The following SNX4 variants were observed in gnomAD, a reference collection of about 807,000 sequenced individuals.
SNX4 encodes the protein sorting nexin-4.
A neutral mutation model predicts 70.8 loss-of-function variants in SNX4; 49 were observed. The ratio of observed to expected loss-of-function variants is 0.69; its 90% CI spans 0.55 to 0.88. SNX4 has a LOEUF of 0.88. SNX4 is among the 40% of genes least tolerant of loss of function. SNX4 has a pLI of 0.00. For synonymous variants in SNX4, 206 were observed against 183.8 expected (o/e 1.12, Z -0.98); for missense variants, 528 against 544.8 (o/e 0.97, Z 0.31).
At chr3:125,452,706 C>T (rs1933606155) in intron 12 of SNX4, among the ~76,000 whole-genome samples, 3 of 152,206 alleles carry the variant, frequency 2.0e-5, no homozygotes, top group Admixed American at 2.0e-4. Context: ...CAAGCTCCAC[C>T]TCCCAGGTTC....
intron 1 of SNX4, among the ~76,000 whole-genome samples, chr3:125,513,145 G>C (rs1275320249): frequency 6.6e-6 from 1 of 152,136 alleles, no homozygotes; most frequent in African/African-American, 2.4e-5. Context: ...GGAAAGATTA[G>C]GACATGAGGG....
At chr3:125,480,403 C>T (rs1166728078) in intron 6 of SNX4, 84 bp from the exon 7 acceptor site, 11 of 721,532 alleles carry the variant, frequency 1.5e-5, no homozygotes, top group Non-Finnish European at 2.3e-5. Context: ...TAGTTCCCGA[C>T]AATAACAAAA....
At chr3:125,509,535 T>C (rs552066250) in intron 1 of SNX4, among the ~76,000 whole-genome samples, 1 of 152,126 alleles carries the variant, frequency 6.6e-6, no homozygotes, top group South Asian at 2.1e-4. Context: ...GTGGATCACC[T>C]GAGGTCAGGA....
intron 11 of SNX4, among the ~76,000 whole-genome samples, chr3:125,455,796 G>A (rs556046480): frequency 3.3e-5 from 5 of 152,154 alleles, no homozygotes; most frequent in South Asian, 4.2e-4. Flanking sequence ...GGCGGATCAC[G>A]AGGTCAGGAG....
intron 9 of SNX4, among the ~76,000 whole-genome samples, chr3:125,464,868 C>T (rs1213808846): frequency 6.6e-6 from 1 of 152,042 alleles, no homozygotes; most frequent in East Asian, 1.9e-4. Context: ...CCTCAGCTTC[C>T]TGAGTAGCTG....
chr3:125,455,291 C>T (rs1477521240), intron 11 of SNX4, among the ~76,000 whole-genome samples: 1 of 152,116 alleles, frequency 6.6e-6, no homozygotes, highest in South Asian at 2.1e-4. Flanking sequence ...TTATTTCTTA[C>T]TCTGTATGAA....
Position 125,520,151 on chromosome 3 carries a change from G to C in SNX4, c.22C>G (p.Pro8Ala). 7.7e-6 allele frequency: 11 copies of C among 1,432,648 alleles called. No individual in the cohort carries two copies. The highest frequency in any genetic ancestry group is 1.0e-5 in the Non-Finnish European group (11 of 1,099,760). The allele number at this position is 1,432,648 out of a possible 1,614,324, so 88.7% of individuals were successfully genotyped here. ...GGCGCCGGCTGGAGCTGCCGCTCGG[G>C]GTCCGGAGGTGCCTGCTCCATGGCT... MEQAPPDPERQLQPAPLE... is the reference protein window; with the variant it reads MEQAPPDAERQLQPAPLE... The change falls in exon 1 of 14, where the codon CCC (proline) becomes GCC (alanine). Residue 8 changes from proline to alanine, a missense_variant. Coordinates refer to ENST00000251775, the MANE Select transcript of SNX4 (RefSeq NM_003794.4).
chr3:125,474,866 T>C (rs536440754), intron 8 of SNX4, among the ~76,000 whole-genome samples: 1 of 152,346 alleles, frequency 6.6e-6, no homozygotes, highest in South Asian at 2.1e-4. Context: ...TCCTATGGGA[T>C]ATAATTTTTG....
intron 9 of SNX4, among the ~76,000 whole-genome samples, chr3:125,463,761 T>A (rs958581638): frequency 4.6e-5 from 7 of 152,224 alleles, no homozygotes; most frequent in African/African-American, 1.7e-4. Flanking sequence ...AATTAACATA[T>A]CCATCACCTG....
In SNX4 at chr3:125,520,165, T is replaced by C. The variant is rs1233951925; in HGVS notation, c.8A>G (p.Gln3Arg). 2.2e-6 allele frequency: 3 copies of C among 1,372,922 alleles called. No homozygotes were observed. The highest frequency in any genetic ancestry group is 3.1e-5 in the African/African-American group (2 of 64,206). The allele number at this position is 1,372,922 out of a possible 1,614,324, so 85.0% of individuals were successfully genotyped here. The change falls in exon 1 of 14, where the codon CAG becomes CGG. Residue 3 changes from glutamine (Q) to arginine (R), a missense_variant. Coordinates refer to ENST00000251775, the MANE Select transcript of SNX4 (RefSeq NM_003794.4). Reference protein sequence around the residue: MEQAPPDPERQLQ... With the variant: MERAPPDPERQLQ... ...CTGCCGCTCGGGGTCCGGAGGTGCC[T>C]GCTCCATGGCTGCAGTTCGGCGCGG...
intron 12 of SNX4, among the ~76,000 whole-genome samples, chr3:125,453,504 A>ATTTG (rs1933629939): frequency 2.0e-5 from 2 of 101,838 alleles, no homozygotes; most frequent in African/African-American, 1.3e-4. Flanking sequence ...ATTTTTATTT[A>ATTTG]TTTATTTATT....
chr3:125,476,343 A>G (rs1485328025), intron 8 of SNX4, among the ~76,000 whole-genome samples: 4 of 150,818 alleles, frequency 2.7e-5, no homozygotes, highest in Non-Finnish European at 3.0e-5. Context: ...AGGCCTAGGC[A>G]GGCAGATCAC....
intron 8 of SNX4, among the ~76,000 whole-genome samples, chr3:125,470,448 C>T (rs1446687699): frequency 2.0e-5 from 3 of 150,184 alleles, no homozygotes; most frequent in African/African-American, 7.3e-5. Flanking sequence ...GTATTATACT[C>T]TTAGTATAGA....
chr3:125,489,002 A>G (rs900303152), intron 6 of SNX4, among the ~76,000 whole-genome samples: 2 of 152,194 alleles, frequency 1.3e-5, no homozygotes, highest in Non-Finnish European at 2.9e-5. Flanking sequence ...TTTGTCATAT[A>G]CCTTCGTGAA....
At chr3:125,504,962 T>A (rs533826106) in intron 1 of SNX4, among the ~76,000 whole-genome samples, 9 of 152,256 alleles carry the variant, frequency 5.9e-5, no homozygotes, top group African/African-American at 1.9e-4. Flanking sequence ...ATTTTAGTTA[T>A]GTATGTATTT....
Position 125,457,319 on chromosome 3 carries a change from C to T in SNX4, c.991G>A (p.Ala331Thr). The T allele has an allele frequency of 6.2e-7, 1 of 1,614,054 alleles. No individual in the cohort carries two copies. Among genetic ancestry groups the T allele is most frequent in the South Asian group, 1.1e-5 (1 of 91,076 alleles). ...TTCTTGGATGCTAAGTCCTGAGCAG[C>T]CATCTCCAAGTCATACTGCATAAGT... ...HELMQYDLEM[A>T]AQDLASKKQQ... is the part of the protein sequence containing the mutation. The change falls in exon 11 of 14, where the codon GCT becomes ACT. Residue 331 changes from alanine (A) to threonine (T), a missense_variant. Around this residue, in one of 3 missense-constraint regions of SNX4, gnomAD observed 159 missense variants for 172.6 expected, o/e 0.92. Transcript: ENST00000251775.
chr3:125,472,251 C>T (rs1374986975), intron 8 of SNX4, among the ~76,000 whole-genome samples: 1 of 152,128 alleles, frequency 6.6e-6, no homozygotes, highest in Admixed American at 6.5e-5. Context: ...TCTCAAACTG[C>T]AAACCAAAGA....
intron 7 of SNX4, among the ~76,000 whole-genome samples, chr3:125,478,293 C>T (rs1934329622): frequency 6.6e-6 from 1 of 151,988 alleles, no homozygotes; most frequent in South Asian, 2.1e-4. Context: ...TGGTCTCAAA[C>T]TCCTGACCTC....
At chr3:125,491,582 T>A (rs1934660182) in intron 5 of SNX4, among the ~76,000 whole-genome samples, 1 of 152,102 alleles carries the variant, frequency 6.6e-6, no homozygotes, top group South Asian at 2.1e-4. Context: ...TTCACAAGAT[T>A]ACATAAAAAA....
Sources: allele counts gnomAD v4.1 joint callset (sites outside exome capture counted in the v4.1 genomes callset), GRCh38; gene constraint gnomAD v4.1.1; regional missense constraint gnomAD v4.1.1; transcripts MANE v1.5; gene names NCBI Gene and HGNC (gene_info 2026-07-23, HGNC 2026-07-21).